Variants in FBXL7 observed in about 807,000 individuals in gnomAD.
The protein encoded by FBXL7 is F-box/LRR-repeat protein 7.
A neutral mutation model predicts 38.3 loss-of-function variants in FBXL7; 12 were observed. That is an observed-to-expected ratio of 0.31 (90% CI 0.20 to 0.51). FBXL7 has a LOEUF of 0.51. FBXL7 is among the 20% of genes least tolerant of loss of function. The probability of loss-of-function intolerance (pLI) is 0.98; values close to 1 mark genes in which losing one functional copy is unlikely to be tolerated. For missense variants in FBXL7, 567 were observed against 676.4 expected, an observed-to-expected ratio of 0.84 and a Z score of 1.79; for synonymous variants, 297 against 300.9, an observed-to-expected ratio of 0.99 and a Z score of 0.13.
intron 2 of FBXL7, among the ~76,000 whole-genome samples, chr5:15,639,024 G>A (rs571702819): frequency 1.3e-5 from 2 of 152,276 alleles, no homozygotes; most frequent in Admixed American, 6.5e-5. Context: ...CCTTCAGTGC[G>A]ATCTTCTCAG....
chr5:15,847,958 TG>T (rs370757787), intron 2 of FBXL7, among the ~76,000 whole-genome samples: 80 of 152,288 alleles, frequency 5.3e-4, no homozygotes, highest in African/African-American at 1.9e-3. Flanking sequence ...CGCTTAGCAC[TG>T]GAGAGGAACA....
intron 2 of FBXL7, among the ~76,000 whole-genome samples, chr5:15,702,857 G>A (rs1041014934): frequency 3.3e-5 from 5 of 152,152 alleles, no homozygotes; most frequent in Admixed American, 3.3e-4. Flanking sequence ...AGATAGGGGT[G>A]GGTGGGGCCG....
chr5:15,603,361 AT>A (rs1234529376), intron 1 of FBXL7, among the ~76,000 whole-genome samples: 3 of 152,216 alleles, frequency 2.0e-5, no homozygotes, highest in African/African-American at 4.8e-5. Context: ...TTTACTTGCA[AT>A]TTACTTATTT....
At chr5:15,627,095 A>G (rs908965262) in intron 2 of FBXL7, among the ~76,000 whole-genome samples, 2 of 152,096 alleles carry the variant, frequency 1.3e-5, no homozygotes, top group African/African-American at 4.8e-5. Context: ...CTGAATCCCC[A>G]CCATTCCCAA....
chr5:15,641,941 TTGTG>T (rs199980981), intron 2 of FBXL7, among the ~76,000 whole-genome samples: 8,945 of 141,458 alleles, frequency 0.063, 301 homozygotes, highest in African/African-American at 0.1. Context: ...ACATAAAACC[TTGTG>T]TGTGTGTGTG....
intron 2 of FBXL7, among the ~76,000 whole-genome samples, chr5:15,850,062 A>G (rs1255726291): frequency 6.6e-6 from 1 of 152,204 alleles, no homozygotes; most frequent in African/African-American, 2.4e-5. Context: ...CTGCCTGTAT[A>G]GATTAGAGCT....
intron 2 of FBXL7, among the ~76,000 whole-genome samples, chr5:15,852,404 G>A (rs1472077135): frequency 6.6e-6 from 1 of 152,166 alleles, no homozygotes; most frequent in Non-Finnish European, 1.5e-5. Flanking sequence ...TCAGAAGTCA[G>A]CAAATTACTT....
chr5:15,901,784 G>A (rs1406180548), intron 2 of FBXL7, among the ~76,000 whole-genome samples: 1 of 152,102 alleles, frequency 6.6e-6, no homozygotes, highest in Non-Finnish European at 1.5e-5. Flanking sequence ...GTTAATACTT[G>A]GTTTTTCATT....
intron 1 of FBXL7, among the ~76,000 whole-genome samples, chr5:15,551,366 T>A (rs767751433): frequency 4.6e-5 from 7 of 152,238 alleles, no homozygotes; most frequent in Non-Finnish European, 8.8e-5. Flanking sequence ...CTGTGCAAAG[T>A]TCTTTCTACA....
At chr5:15,820,417 CG>C (rs1177825230) in intron 2 of FBXL7, among the ~76,000 whole-genome samples, 9 of 152,054 alleles carry the variant, frequency 5.9e-5, no homozygotes, top group South Asian at 2.1e-4. Context: ...TGTCTTACCC[CG>C]CCTTTCACTG....
intron 1 of FBXL7, among the ~76,000 whole-genome samples, chr5:15,528,467 C>T (rs532527377): frequency 2.0e-5 from 3 of 152,310 alleles, no homozygotes; most frequent in African/African-American, 4.8e-5. Flanking sequence ...TTAATGGACT[C>T]ACACAGTTCC....
chr5:15,692,872 A>G (rs1228364373), intron 2 of FBXL7, among the ~76,000 whole-genome samples: 3 of 152,158 alleles, frequency 2.0e-5, no homozygotes, highest in African/African-American at 7.2e-5. Flanking sequence ...AGTGGTGACT[A>G]TGGTGAGTGC....
intron 2 of FBXL7, among the ~76,000 whole-genome samples, chr5:15,633,273 GA>G (rs1741060003): frequency 6.6e-6 from 1 of 152,122 alleles, no homozygotes; most frequent in South Asian, 2.1e-4. Flanking sequence ...TTCAAGGGCT[GA>G]AAATACCTCT....
chr5:15,794,268 G>A (rs1387633228), intron 2 of FBXL7, among the ~76,000 whole-genome samples: 3 of 152,242 alleles, frequency 2.0e-5, no homozygotes, highest in Middle Eastern at 3.4e-3. Flanking sequence ...CACTCAGACT[G>A]TTTCCATAGT....
chr5:15,730,664 A>G (rs1014147485), intron 2 of FBXL7, among the ~76,000 whole-genome samples: 1 of 152,224 alleles, frequency 6.6e-6, no homozygotes, highest in African/African-American at 2.4e-5. Flanking sequence ...TCATTGTATG[A>G]AACCATGCAT....
chr5:15,894,490 T>C (rs1741032505), intron 2 of FBXL7, among the ~76,000 whole-genome samples: 1 of 152,210 alleles, frequency 6.6e-6, no homozygotes, highest in East Asian at 1.9e-4. Flanking sequence ...TAAATTTCAG[T>C]GATAGATATC....
At chr5:15,932,302 A>C (rs887347724) in intron 3 of FBXL7, among the ~76,000 whole-genome samples, 3 of 152,172 alleles carry the variant, frequency 2.0e-5, no homozygotes, top group Non-Finnish European at 2.9e-5. Flanking sequence ...CGCAGCTGTC[A>C]TTGTCGTTGT....
intron 2 of FBXL7, among the ~76,000 whole-genome samples, chr5:15,716,527 A>G (rs1359789939): frequency 1.3e-5 from 2 of 151,998 alleles, no homozygotes; most frequent in Non-Finnish European, 2.9e-5. Context: ...TCAAGACCAG[A>G]CTCAATTCTG....
Position 15,671,841 on chromosome 5 carries a change from G to C in FBXL7, c.127+55769G>C, listed in dbSNP as rs573612626. Among the ~76,000 whole-genome samples the C allele has an allele frequency of 2.6e-5, 4 of 152,288 alleles. No homozygotes were observed. In the East Asian group the frequency reaches 5.8e-4, roughly 22 times the overall value. ...TTTGATTTTCTTTGTCATCTTGAAGGCTTGGTCTGATCAATCTCATAAATG... is the reference window on the plus strand; with the variant it reads ...TTTGATTTTCTTTGTCATCTTGAAGCCTTGGTCTGATCAATCTCATAAATG... On this transcript the variant is annotated intron_variant, in intron 2 of 3. Transcript: ENST00000504595.
Sources: allele counts gnomAD v4.1 joint callset (sites outside exome capture counted in the v4.1 genomes callset), GRCh38; gene constraint gnomAD v4.1.1; transcripts MANE v1.5; gene names NCBI Gene and HGNC (gene_info 2026-07-23, HGNC 2026-07-21).